PHAF1: variants seen among roughly 807,000 people sequenced by gnomAD.
The protein encoded by PHAF1 is phagophore assembly factor 1, also known as phagosome assembly factor 1.
Under a neutral mutation model 63.1 loss-of-function variants are expected in PHAF1, and 23 were observed. That is an observed-to-expected ratio of 0.36 (90% confidence interval 0.26 to 0.52). The LOEUF is 0.52. PHAF1 is among the 20% of genes least tolerant of loss of function. PHAF1 has a pLI of 0.93. For synonymous variants in PHAF1, 167 were observed against 185.0 expected (o/e 0.90, Z 0.79); for missense variants, 427 against 517.2 (o/e 0.83, Z 1.69).
At chr16:67,117,708 G>C (rs918340653) in intron 1 of PHAF1, among the ~76,000 whole-genome samples, 1 of 151,020 alleles carries the variant, frequency 6.6e-6, no homozygotes, top group African/African-American at 2.4e-5. Context: ...TGCAGTGAGC[G>C]GAAATCGCAC....
Position 67,139,819 on chromosome 16 carries a change from T to C in PHAF1, c.662-165T>C, listed in dbSNP as rs1597213610. The C allele has an allele frequency of 4.2e-6, 3 of 709,746 alleles. No homozygotes were observed. In the East Asian group the frequency reaches 7.5e-5, roughly 18 times the overall value. The allele number at this position is 709,746 out of a possible 1,614,324, so 44.0% of individuals were successfully genotyped here. ...GGCATTATTTTGAATAGCGATCTCT[T>C]GTACAGTCTTAAGCCCTGGTGACCT... is the stretch of plus-strand genomic sequence containing the variant. On this transcript the variant is annotated intron_variant, in intron 8 of 15. Transcript: ENST00000219139.
intron 1 of PHAF1, 66 bp downstream of exon 1, chr16:67,110,305 C>T: frequency 6.6e-7 from 1 of 1,519,254 alleles, no homozygotes; most frequent in Non-Finnish European, 8.9e-7. Flanking sequence ...GCTCTTCCCA[C>T]CTGTTCTCAG....
chr16:67,111,065 C>T (rs1962494870), intron 1 of PHAF1, among the ~76,000 whole-genome samples: 1 of 152,186 alleles, frequency 6.6e-6, no homozygotes. Context: ...CCGCCCACCT[C>T]GGCCTCCCAA....
At chr16:67,117,340 C>T (rs111414205) in intron 1 of PHAF1, among the ~76,000 whole-genome samples, 4,275 of 150,472 alleles carry the variant, frequency 0.028, 70 homozygotes, top group Admixed American at 0.033. Flanking sequence ...TGAGCCACCG[C>T]GCCCAGCCTG....
intron 5 of PHAF1, 85 bp from the exon 6 acceptor site, chr16:67,132,732 T>A (rs766554905): frequency 1.5e-6 from 2 of 1,297,932 alleles, no homozygotes; most frequent in Non-Finnish European, 2.2e-6. Context: ...GTGTTGTCAG[T>A]CATTACTCCC....
At chr16:67,119,749 A>G (rs1277408517) in intron 1 of PHAF1, among the ~76,000 whole-genome samples, 1 of 150,846 alleles carries the variant, frequency 6.6e-6, no homozygotes, top group Non-Finnish European at 1.5e-5. Context: ...GCTGGTTTCA[A>G]ATGCCTGACC....
At chr16:67,112,848 C>T (rs771870203) in intron 1 of PHAF1, among the ~76,000 whole-genome samples, 2 of 152,164 alleles carry the variant, frequency 1.3e-5, no homozygotes, top group Non-Finnish European at 2.9e-5. Flanking sequence ...TGGTGTCTGC[C>T]TGAGAGATGG....
At chr16:67,142,858 C>T (rs568080630) in intron 10 of PHAF1, among the ~76,000 whole-genome samples, 3 of 152,322 alleles carry the variant, frequency 2.0e-5, no homozygotes, top group Non-Finnish European at 4.4e-5. Context: ...ACAGAGGTCC[C>T]GGCCACACTT....
chr16:67,139,767 C>T (rs1024809300), intron 8 of PHAF1: 1 of 553,856 alleles, frequency 1.8e-6, no homozygotes, highest in Non-Finnish European at 3.2e-6. Context: ...AGCTTCATGT[C>T]ACATGTGGGG....
chr16:67,110,283 G>T (rs1418065890), intron 1 of PHAF1, 44 bp downstream of exon 1: 1 of 1,544,726 alleles, frequency 6.5e-7, no homozygotes, highest in Non-Finnish European at 8.8e-7. Flanking sequence ...GCTGATCCTT[G>T]CTTTCTCCTG....
Position 67,145,431 on chromosome 16 carries a change from T to C in PHAF1, c.1050+12T>C. The stretch of plus-strand genomic sequence containing the variant: ...CGACCTACAGCAAGGTGAGCACCTA[T>C]CTTCCTACCTGGCATAGCCTGAGAA... On this transcript the variant is annotated intron_variant, in intron 13 of 15. Transcript: ENST00000219139. 6.2e-7 allele frequency: 1 copy of C among 1,614,142 alleles called. No homozygotes were observed. Among genetic ancestry groups the C allele is most frequent in the East Asian group, 2.2e-5 (1 of 44,878 alleles).
chr16:67,116,093 C>T (rs909820852), intron 1 of PHAF1, among the ~76,000 whole-genome samples: 3 of 152,200 alleles, frequency 2.0e-5, no homozygotes, highest in African/African-American at 4.8e-5. Flanking sequence ...GTCTTCTGCA[C>T]GTGGATGTTT....
intron 2 of PHAF1, among the ~76,000 whole-genome samples, chr16:67,120,780 G>A (rs1400445952): frequency 6.6e-6 from 1 of 151,984 alleles, no homozygotes; most frequent in African/African-American, 2.4e-5. Flanking sequence ...ATAGTTTTGA[G>A]CCTACAGAGG....
At chr16:67,116,933 A>G (rs1370406679) in intron 1 of PHAF1, among the ~76,000 whole-genome samples, 2 of 152,060 alleles carry the variant, frequency 1.3e-5, no homozygotes, top group Non-Finnish European at 1.5e-5. Context: ...CAGCAGATAC[A>G]TTGTTTTTGT....
intron 1 of PHAF1, among the ~76,000 whole-genome samples, chr16:67,115,352 C>G (rs1199473678): frequency 6.6e-6 from 1 of 152,204 alleles, no homozygotes; most frequent in Non-Finnish European, 1.5e-5. Context: ...TGACCAAGAC[C>G]TAAAGTGCGA....
At chr16:67,114,271 A>C (rs1481590863) in intron 1 of PHAF1, among the ~76,000 whole-genome samples, 1 of 151,952 alleles carries the variant, frequency 6.6e-6, no homozygotes, top group Non-Finnish European at 1.5e-5. Context: ...TGAGGGGATC[A>C]CTTGAGCCAA....
intron 13 of PHAF1, 37 bp from the exon 14 acceptor site, chr16:67,145,533 C>A (rs781184509): frequency 2.4e-5 from 38 of 1,613,394 alleles, no homozygotes; most frequent in Non-Finnish European, 3.0e-5. Flanking sequence ...ATGTTCATGT[C>A]CCTACTAACC....
chr16:67,141,422 CTT>C (rs1213819329), intron 10 of PHAF1, among the ~76,000 whole-genome samples: 1 of 152,238 alleles, frequency 6.6e-6, no homozygotes. Flanking sequence ...TAGGGTGTTG[CTT>C]TTCCAGCTGG....
At chr16:67,145,741 T>C (rs1220983143) in intron 14 of PHAF1, 113 bp downstream of exon 14, 21 of 1,132,556 alleles carry the variant, frequency 1.9e-5, no homozygotes, top group Non-Finnish European at 2.6e-5. Flanking sequence ...GTTTCTGATA[T>C]TGCCACAAGC....
Sources: allele counts gnomAD v4.1 joint callset (sites outside exome capture counted in the v4.1 genomes callset), GRCh38; gene constraint gnomAD v4.1.1; transcripts MANE v1.5; gene names NCBI Gene and HGNC (gene_info 2026-07-23, HGNC 2026-07-21).